Variants in CCNI2 observed in about 807,000 individuals in gnomAD.
CCNI2 encodes cyclin-I2.
In CCNI2, 32 loss-of-function variants were observed where a neutral mutation model predicts 33.2. That is an observed-to-expected ratio of 0.96 (90% CI 0.73 to 1.30). The LOEUF (loss-of-function observed/expected upper bound fraction) is 1.30, where lower values mean the gene tolerates loss of function less well. CCNI2 is among the 50% of genes most tolerant of loss of function. The pLI, the probability that CCNI2 is intolerant of heterozygous loss-of-function variation, is 0.00. For missense variants in CCNI2, 452 were observed against 486.2 expected (o/e 0.93, Z 0.66); for synonymous variants, 231 against 219.9 (o/e 1.05, Z -0.45).
intron 4 of CCNI2, chr5:132,751,428 TATC>T (rs986942884): frequency 1.1e-5 from 2 of 183,630 alleles, no homozygotes; most frequent in African/African-American, 2.4e-5. Context: ...CTTAAAAAAA[TATC>T]ATACATTAGT....
At chr5:132,749,973 C>A (rs541122054) in intron 3 of CCNI2, among the ~76,000 whole-genome samples, 1 of 152,192 alleles carries the variant, frequency 6.6e-6, no homozygotes, top group South Asian at 2.1e-4. Flanking sequence ...AGGAGGAGAT[C>A]ATCTCCTAAT....
At chr5:132,755,023 G>C (rs1447148856), downstream of CCNI2, among the ~76,000 whole-genome samples, 4 of 152,170 alleles carry the variant, frequency 2.6e-5, no homozygotes, top group Non-Finnish European at 1.5e-5. Context: ...GTCATTTGAT[G>C]ATGTTTCCAC....
In CCNI2 at chr5:132,754,171, T is replaced by G; in HGVS notation, c.*1201T>G. ...TACACTTTAATTGCTTCCGATCCTG[T>G]ATGAGTCTTATTTTGAGCTACCATG... On this transcript the variant is annotated 3_prime_UTR_variant, in exon 6 of 6. Transcript: ENST00000378731. 4.1e-6 allele frequency: 2 copies of G among 488,034 alleles called. No homozygotes were observed. The highest frequency in any genetic ancestry group is 6.2e-5 in the South Asian group (2 of 32,424). The allele number at this position is 488,034 out of a possible 1,614,324, so 30.2% of individuals were successfully genotyped here.
At chr5:132,756,028 A>T, downstream of CCNI2, 1 of 985,328 alleles carries the variant, frequency 1.0e-6, no homozygotes, top group Non-Finnish European at 1.2e-6. Context: ...AAATTTAATG[A>T]AAAAAATAAG....
downstream of CCNI2, among the ~76,000 whole-genome samples, chr5:132,755,708 C>T (rs1755266200): frequency 6.6e-6 from 1 of 152,154 alleles, no homozygotes; most frequent in Admixed American, 6.5e-5. Flanking sequence ...AGGGCAGGTG[C>T]CCCTTTTCTC....
In CCNI2 at chr5:132,747,664, C is replaced by T. The variant is rs1406147297; in HGVS notation, c.169C>T (p.Pro57Ser). The part of the protein sequence containing the change: ...PLPRSNRSRC[P>S]GTRQPGAASL... The stretch of plus-strand genomic sequence containing the variant: ...GCCCCGAAGCAACCGGAGCAGGTGC[C>T]CTGGGACCCGCCAGCCCGGAGCGGC... Residue 57 changes from proline (P) to serine (S), a missense_variant, in exon 1 of 6, where the codon CCT becomes TCT. Pro to Ser is a moderately conservative substitution (Grantham distance 74). Coordinates refer to ENST00000378731, the MANE Select transcript of CCNI2 (RefSeq NM_001039780.4). This position sits in a 1 kb window ranked among gnomAD's most constrained non-coding sequence, Gnocchi z 4.1. The T allele has an allele frequency of 6.7e-7, 1 of 1,502,886 alleles. No homozygotes were observed. The highest frequency in any genetic ancestry group is 1.2e-5 in the South Asian group (1 of 80,388). The allele number at this position is 1,502,886 out of a possible 1,614,324, so 93.1% of individuals were successfully genotyped here.
Position 132,748,479 on chromosome 5 carries a change from G to A in CCNI2, c.558+4G>A, listed in dbSNP as rs1204388127. ...CCGCCTCCTGATTTCAGTGAAGGTA[G>A]GGAGGCCTCTGAGGGACGGTGGCAG... On this transcript the variant is annotated splice_donor_region_variant and intron_variant, in intron 2 of 5. Coordinates refer to ENST00000378731, the MANE Select transcript of CCNI2 (RefSeq NM_001039780.4). 1 of 1,614,042 alleles carries A rather than the reference G, an allele frequency of 6.2e-7. No individual in the cohort carries two copies. The highest frequency in any genetic ancestry group is 1.7e-5 in the Admixed American group (1 of 60,012).
intron 3 of CCNI2, among the ~76,000 whole-genome samples, chr5:132,750,501 G>A (rs983714204): frequency 3.9e-5 from 6 of 152,176 alleles, no homozygotes; most frequent in Non-Finnish European, 7.4e-5. Context: ...TAGGGATCAG[G>A]AATAGGGAGA....
Position 132,752,852 on chromosome 5 carries a change from C to G in CCNI2, c.1006-14C>G, listed in dbSNP as rs1754975982. 6.2e-7 allele frequency: 1 copy of G among 1,605,318 alleles called. No individual in the cohort carries two copies. Among genetic ancestry groups the G allele is most frequent in the Non-Finnish European group, 8.5e-7 (1 of 1,172,898 alleles). The stretch of plus-strand genomic sequence containing the variant: ...ATGGTTCTGCTTGAAGATGGCCACT[C>G]TATTCTAATACAGGTTGGTGATATG... On this transcript the variant is annotated splice_polypyrimidine_tract_variant and intron_variant, in intron 5 of 5. Transcript: ENST00000378731.
Position 132,747,943 on chromosome 5 carries a change from T to C in CCNI2, c.429+19T>C. ...ACCCCAGGTACCCGTCGCTGCCGCG[T>C]GGCCCTCCTCGCGCGTGCACGGCAG... On this transcript the variant is annotated intron_variant, in intron 1 of 5. Transcript: ENST00000378731. This position sits in a 1 kb window ranked among gnomAD's most constrained non-coding sequence, Gnocchi z 4.1. The C allele has an allele frequency of 7.3e-7, 1 of 1,365,484 alleles. No homozygotes were observed. The highest frequency in any genetic ancestry group is 9.4e-7 in the Non-Finnish European group (1 of 1,065,816). 84.6% of individuals were successfully genotyped at this position (1,365,484 alleles called of 1,614,324 possible).
At chr5:132,750,732 T>C in intron 3 of CCNI2, 125 bp from the exon 4 acceptor site, 1 of 971,228 alleles carries the variant, frequency 1.0e-6, no homozygotes, top group South Asian at 1.7e-5. Flanking sequence ...TCAGAAGCAT[T>C]TTCTGTGGCA....
rs375208426 is a variant in CCNI2 at position 132,749,466 on chromosome 5, A to G, written c.633+44A>G. Reference sequence around the variant, plus strand: ...CCACACTGGGCTGCACTTGAGGTATAGGGGTGTAACATTGGAGGACTCCAG... The same window carrying G: ...CCACACTGGGCTGCACTTGAGGTATGGGGGTGTAACATTGGAGGACTCCAG... On this transcript the variant is annotated intron_variant, in intron 3 of 5. Transcript: ENST00000378731. 1.9e-5 allele frequency: 28 copies of G among 1,502,898 alleles called. No homozygotes were observed. The Admixed American group carries it at 2.3e-4, about 13-fold the overall frequency. The allele number at this position is 1,502,898 out of a possible 1,614,324, so 93.1% of individuals were successfully genotyped here. A position where few individuals can be genotyped will look rare whatever the true frequency, so the allele number is the denominator to read the frequency against.
rs1159876868 is a variant in CCNI2 at position 132,747,569 on chromosome 5, G to A, written c.74G>A (p.Arg25His). The change falls in exon 1 of 6, where the codon CGT becomes CAT. Residue 25 changes from arginine (R) to histidine (H), a missense_variant. Physicochemically the swap from Arg to His is conservative, Grantham distance 29. Transcript: ENST00000378731. This position sits in a 1 kb window ranked among gnomAD's most constrained non-coding sequence, Gnocchi z 4.1. ...EVSAVQSPGG[R>H]PGAGLEETAL... is the part of the protein sequence containing the mutation. Reference sequence around the variant, plus strand: ...AGCGCCGTCCAGAGCCCAGGCGGGCGTCCCGGCGCCGGTCTGGAGGAAACA... The same window carrying A: ...AGCGCCGTCCAGAGCCCAGGCGGGCATCCCGGCGCCGGTCTGGAGGAAACA... The A allele has an allele frequency of 4.0e-6, 6 of 1,495,964 alleles. No individual in the cohort carries two copies. In the Admixed American group the frequency reaches 8.6e-5, roughly 21 times the overall value. 92.7% of individuals were successfully genotyped at this position (1,495,964 alleles called of 1,614,324 possible).
At position 132,747,705 on chromosome 5, in the gene CCNI2, G is replaced by A. The variant is rs1436003988; in HGVS notation, c.210G>A (p.Ala70=). 2 of 1,491,726 alleles carry A rather than the reference G, an allele frequency of 1.3e-6. No individual in the cohort carries two copies. The highest frequency in any genetic ancestry group is 1.3e-5 in the South Asian group (1 of 79,334). 92.4% of individuals were successfully genotyped at this position (1,491,726 alleles called of 1,614,324 possible). The stretch of plus-strand genomic sequence containing the variant: ...CCGGAGCGGCCTCCCTCCACGCGGC[G>A]TCCGCAGCAGTCCCCGTGCGGCCCC... ...RQPGAASLHA[A]SAAVPVRPRR... Residue 70 remains alanine (A), a synonymous_variant, in exon 1 of 6, where the codon GCG becomes GCA. Coordinates refer to ENST00000378731, the MANE Select transcript of CCNI2 (RefSeq NM_001039780.4). The surrounding 1 kb of genome is among the most constrained non-coding windows in gnomAD (Gnocchi z 4.1).
chr5:132,750,009 C>G (rs905213421), intron 3 of CCNI2, among the ~76,000 whole-genome samples: 7 of 152,170 alleles, frequency 4.6e-5, no homozygotes, highest in Admixed American at 1.3e-4. Flanking sequence ...TCCTACCTCC[C>G]TCCAACTTCT....
chr5:132,748,819 A>G (rs1235592757), intron 2 of CCNI2, among the ~76,000 whole-genome samples: 2 of 152,170 alleles, frequency 1.3e-5, no homozygotes, highest in Admixed American at 6.5e-5. Flanking sequence ...TCCCACCTCC[A>G]GTCAGTCCCG....
rs1754893883 is a variant in CCNI2 at position 132,752,112 on chromosome 5, G to A, written c.921G>A (p.Leu307=). The A allele has an allele frequency of 4.4e-6, 7 of 1,598,922 alleles. No homozygotes were observed. The South Asian group carries it at 6.8e-5, about 16-fold the overall frequency. ...HQLLQFKGST[L]ALVIITLELE... is the part of the protein sequence containing the mutation. The stretch of plus-strand genomic sequence containing the variant: ...TGCTGCAGTTCAAGGGCTCCACACT[G>A]GCCTTGGTCATCATCACCTTAGAGC... The change falls in exon 5 of 6, where the codon CTG becomes CTA. Residue 307 remains leucine (L), a synonymous_variant. Coordinates refer to ENST00000378731, the MANE Select transcript of CCNI2 (RefSeq NM_001039780.4).
chr5:132,747,852 G>A lies in CCNI2; in HGVS notation c.357G>A (p.Glu119=). The change falls in exon 1 of 6, where the codon GAG becomes GAA. Residue 119 remains glutamate (E), a synonymous_variant. Coordinates refer to ENST00000378731, the MANE Select transcript of CCNI2 (RefSeq NM_001039780.4). This position sits in a 1 kb window ranked among gnomAD's most constrained non-coding sequence, Gnocchi z 4.1. ...GCAACCTGGAAGGCGACCTGGACGA[G>A]CGCCGGCTGCTCTGCCACTTGCAGC... The part of the protein sequence containing the change: ...KPRNLEGDLD[E]RRLLCHLQLA... The A allele has an allele frequency of 6.8e-7, 1 of 1,471,462 alleles. No homozygotes were observed. The highest frequency in any genetic ancestry group is 1.5e-5 in the African/African-American group (1 of 68,242). 91.2% of individuals were successfully genotyped at this position (1,471,462 alleles called of 1,614,324 possible).
At chr5:132,750,829 C>T (rs1344167160) in intron 3 of CCNI2, 28 bp from the exon 4 acceptor site, 3 of 1,610,816 alleles carry the variant, frequency 1.9e-6, no homozygotes, top group Non-Finnish European at 2.5e-6. Flanking sequence ...TGATGTAGGG[C>T]TTTGGCCTCT....
Sources: gnomAD v4.1 joint callset for allele counts (sites outside exome capture counted in the v4.1 genomes callset) on GRCh38, gnomAD v4.1.1 for gene constraint, Gnocchi (gnomAD v3.1) non-coding constraint, MANE v1.5 for transcripts, NCBI Gene and HGNC (gene_info 2026-07-23, HGNC 2026-07-21) for gene names.